Variants in MEGF9 observed in about 807,000 individuals in gnomAD.
MEGF9 encodes the protein multiple epidermal growth factor-like domains protein 9.
In MEGF9, 6 loss-of-function variants were observed where a neutral mutation model predicts 46.8. The ratio of observed to expected loss-of-function variants is 0.13; its 90% CI spans 0.07 to 0.25. MEGF9 has a LOEUF of 0.25. Ranked by LOEUF, MEGF9 falls within the 10% of genes least tolerant of loss-of-function variation. MEGF9 has a pLI of 1.00. For missense variants in MEGF9, 683 were observed against 792.4 expected (o/e 0.86, Z 1.66); for synonymous variants, 302 against 330.7 (o/e 0.91, Z 0.94).
At chr9:120,675,659 G>A (rs993934482) in intron 1 of MEGF9, among the ~76,000 whole-genome samples, 6 of 150,128 alleles carry the variant, frequency 4.0e-5, no homozygotes, top group Non-Finnish European at 8.9e-5. Context: ...GAGGCCGAGG[G>A]GGGTGGATCA....
chr9:120,635,152 G>A (rs948357180), intron 2 of MEGF9, among the ~76,000 whole-genome samples: 1 of 151,964 alleles, frequency 6.6e-6, no homozygotes, highest in East Asian at 1.9e-4. Context: ...TTCTTTCCTG[G>A]CCTGTAAGAT....
chr9:120,663,117 G>A (rs571602617), intron 1 of MEGF9, among the ~76,000 whole-genome samples: 2 of 152,226 alleles, frequency 1.3e-5, no homozygotes, highest in East Asian at 3.9e-4. Flanking sequence ...ATAAGAAGGG[G>A]GCTGACACAT....
Position 120,713,935 on chromosome 9 carries a change from T to A in MEGF9, c.424A>T (p.Arg142Ter). The change falls in exon 1 of 6, where the codon AGA becomes TGA. Residue 142 changes from arginine (R) to a stop codon, truncating the protein, a stop_gained. Coordinates refer to ENST00000373930, the MANE Select transcript of MEGF9 (RefSeq NM_001080497.3). LOFTEE classifies it high-confidence loss of function. ...GTCGAAAGGGTGGTCGGCGCGGGTCTGGTCGGCGCCTGAGAGGTGGTCGAA... is the reference window on the plus strand; with the variant it reads ...GTCGAAAGGGTGGTCGGCGCGGGTCAGGTCGGCGCCTGAGAGGTGGTCGAA... ...RTSTTSQAPT[R>*]PAPTTLSTTT... 7.3e-7 allele frequency: 1 copy of A among 1,366,498 alleles called. No individual in the cohort carries two copies. The highest frequency in any genetic ancestry group is 9.5e-7 in the Non-Finnish European group (1 of 1,054,824). The allele number at this position is 1,366,498 out of a possible 1,614,324, so 84.6% of individuals were successfully genotyped here. A position where few individuals can be genotyped will look rare whatever the true frequency, so the allele number is the denominator to read the frequency against.
At chr9:120,676,669 G>A (rs1458444012) in intron 1 of MEGF9, among the ~76,000 whole-genome samples, 1 of 152,046 alleles carries the variant, frequency 6.6e-6, no homozygotes, top group Non-Finnish European at 1.5e-5. Context: ...TATAATTCTG[G>A]GTTTCCTCCA....
intron 2 of MEGF9, among the ~76,000 whole-genome samples, chr9:120,628,037 A>G (rs2043533226): frequency 6.6e-6 from 1 of 152,246 alleles, no homozygotes; most frequent in Non-Finnish European, 1.5e-5. Flanking sequence ...GAAATCAGTA[A>G]TACCAAACTG....
At chr9:120,666,828 C>T (rs2043727239) in intron 1 of MEGF9, among the ~76,000 whole-genome samples, 1 of 151,968 alleles carries the variant, frequency 6.6e-6, no homozygotes, top group Admixed American at 6.6e-5. Flanking sequence ...AGGAATAAAC[C>T]ACTGACATCC....
At chr9:120,688,687 T>C (rs1178058793) in intron 1 of MEGF9, among the ~76,000 whole-genome samples, 1 of 152,146 alleles carries the variant, frequency 6.6e-6, no homozygotes, top group Non-Finnish European at 1.5e-5. Context: ...GGAGAGTAAC[T>C]ACATGTGTGT....
At chr9:120,633,263 A>AT (rs536297521) in intron 2 of MEGF9, among the ~76,000 whole-genome samples, 17 of 152,236 alleles carry the variant, frequency 1.1e-4, no homozygotes, top group Admixed American at 1.0e-3. Flanking sequence ...ATTCAATCTC[A>AT]TTACCTGTTA....
At chr9:120,702,510 C>T (rs1431921654) in intron 1 of MEGF9, among the ~76,000 whole-genome samples, 4 of 152,016 alleles carry the variant, frequency 2.6e-5, no homozygotes, top group Non-Finnish European at 4.4e-5. Flanking sequence ...ACCCATAATC[C>T]CATTACTTAG....
intron 2 of MEGF9, among the ~76,000 whole-genome samples, chr9:120,641,359 T>C (rs934137271): frequency 6.6e-6 from 1 of 152,178 alleles, no homozygotes; most frequent in African/African-American, 2.4e-5. Flanking sequence ...GTCCTAGCCC[T>C]CAAAGAAAAA....
intron 2 of MEGF9, among the ~76,000 whole-genome samples, chr9:120,625,833 C>CAAAAAAAAAAA (rs763605820): frequency 1.8e-5 from 2 of 113,184 alleles, no homozygotes; most frequent in African/African-American, 7.6e-5. Flanking sequence ...CTCTGTCTCA[C>CAAAAAAAAAAA]AAAAAAAAAA....
intron 1 of MEGF9, among the ~76,000 whole-genome samples, chr9:120,710,842 C>T (rs1220819007): frequency 6.6e-6 from 1 of 152,218 alleles, no homozygotes; most frequent in African/African-American, 2.4e-5. Flanking sequence ...GGAGCCCATG[C>T]TCCATACTTG....
At chr9:120,659,774 A>AGT (rs1233190496) in intron 1 of MEGF9, among the ~76,000 whole-genome samples, 199 bp from the exon 2 acceptor site, 1 of 143,096 alleles carries the variant, frequency 7.0e-6, no homozygotes, top group African/African-American at 2.6e-5. Context: ...TAAATTATGT[A>AGT]GTGTGTGTGT....
At chr9:120,633,774 A>C (rs932382481) in intron 2 of MEGF9, among the ~76,000 whole-genome samples, 1 of 152,108 alleles carries the variant, frequency 6.6e-6, no homozygotes, top group Admixed American at 6.5e-5. Context: ...TCTATCCCAT[A>C]GCATGGTATG....
intron 3 of MEGF9, among the ~76,000 whole-genome samples, chr9:120,620,940 G>C (rs542133239): frequency 6.6e-6 from 1 of 152,098 alleles, no homozygotes; most frequent in African/African-American, 2.4e-5. Flanking sequence ...ATTTTTCCAG[G>C]GTACTTTTGA....
intron 2 of MEGF9, 81 bp from the exon 3 acceptor site, chr9:120,622,836 A>T: frequency 7.0e-7 from 1 of 1,420,478 alleles, no homozygotes; most frequent in Non-Finnish European, 9.7e-7. Context: ...AGGGAAAGAA[A>T]GCCCAGCTCA....
intron 2 of MEGF9, among the ~76,000 whole-genome samples, chr9:120,649,639 A>G (rs962014292): frequency 6.6e-6 from 1 of 152,186 alleles, no homozygotes; most frequent in Non-Finnish European, 1.5e-5. Flanking sequence ...AATTTTTCTT[A>G]CATATATGTA....
At chr9:120,640,492 T>G (rs2043597297) in intron 2 of MEGF9, among the ~76,000 whole-genome samples, 1 of 151,320 alleles carries the variant, frequency 6.6e-6, no homozygotes, top group Admixed American at 6.6e-5. Flanking sequence ...ATCAGGGGGG[T>G]TTTATGTGTT....
chr9:120,630,674 A>G (rs545802676), intron 2 of MEGF9, among the ~76,000 whole-genome samples: 1 of 152,270 alleles, frequency 6.6e-6, no homozygotes, highest in African/African-American at 2.4e-5. Context: ...GCCAGCATGT[A>G]TTCTTTGCCT....
Sources: gnomAD v4.1 joint callset for allele counts (sites outside exome capture counted in the v4.1 genomes callset) on GRCh38, gnomAD v4.1.1 for gene constraint, MANE v1.5 for transcripts, NCBI Gene and HGNC (gene_info 2026-07-23, HGNC 2026-07-21) for gene names.